The following NKAIN3 variants were observed in gnomAD, a reference collection of about 807,000 sequenced individuals.
NKAIN3 encodes the protein sodium/potassium-transporting ATPase subunit beta-1-interacting protein 3.
A neutral mutation model predicts 30.2 loss-of-function variants in NKAIN3; 25 were observed. The ratio of observed to expected loss-of-function variants is 0.83; its 90% CI spans 0.60 to 1.16. NKAIN3 has a LOEUF of 1.16. Ranked by LOEUF, NKAIN3 falls within the 50% of genes most tolerant of loss-of-function variation. NKAIN3 has a pLI of 0.00. For missense variants in NKAIN3, 225 were observed against 254.1 expected (o/e 0.89, Z 0.78); for synonymous variants, 91 against 89.6 (o/e 1.02, Z -0.09).
chr8:62,301,207 T>G (rs1814038151), intron 1 of NKAIN3, among the ~76,000 whole-genome samples: 1 of 135,076 alleles, frequency 7.4e-6, no homozygotes, highest in South Asian at 2.1e-4. Flanking sequence ...TTGAAGTAAA[T>G]AGTGTATTTT....
intron 3 of NKAIN3, among the ~76,000 whole-genome samples, chr8:62,717,833 A>G (rs1317493926): frequency 6.6e-6 from 1 of 152,212 alleles, no homozygotes; most frequent in Non-Finnish European, 1.5e-5. Flanking sequence ...TGAGAACATG[A>G]CTGCCTTTAG....
At chr8:62,914,528 C>A (rs1215871076) in intron 4 of NKAIN3, among the ~76,000 whole-genome samples, 1 of 152,046 alleles carries the variant, frequency 6.6e-6, no homozygotes, top group Non-Finnish European at 1.5e-5. Context: ...TAATTATGTT[C>A]TGCTTTTAGG....
At chr8:62,660,942 G>C (rs921697812) in intron 3 of NKAIN3, among the ~76,000 whole-genome samples, 24 of 152,174 alleles carry the variant, frequency 1.6e-4, no homozygotes, top group African/African-American at 5.8e-4. Flanking sequence ...TCCTGCTTTT[G>C]TAGCCTTTCC....
chr8:62,605,170 G>A (rs930134366), intron 3 of NKAIN3, among the ~76,000 whole-genome samples: 1 of 152,122 alleles, frequency 6.6e-6, no homozygotes, highest in Non-Finnish European at 1.5e-5. Context: ...TGGGTCAGAA[G>A]TCTCATGTAG....
In NKAIN3 at chr8:62,615,604, A is replaced by G. The variant is rs1307353993; in HGVS notation, c.273+25810A>G. On this transcript the variant is annotated intron_variant, in intron 3 of 6. Coordinates refer to ENST00000623646, the MANE Select transcript of NKAIN3 (RefSeq NM_001304533.3). ...ATTTCAAGTTTACTTGTAGACACAGAGTGTAGTAGCCCTTAGCAGGGAGGT... is the reference window on the plus strand; with the variant it reads ...ATTTCAAGTTTACTTGTAGACACAGGGTGTAGTAGCCCTTAGCAGGGAGGT... Among the ~76,000 whole-genome samples, 4 of 152,094 alleles carry G rather than the reference A, an allele frequency of 2.6e-5. No homozygotes were observed. The East Asian group carries it at 7.8e-4, about 29-fold the overall frequency.
At chr8:62,737,674 A>G (rs146920988) in intron 3 of NKAIN3, among the ~76,000 whole-genome samples, 177 of 152,274 alleles carry the variant, frequency 1.2e-3, no homozygotes, top group Non-Finnish European at 1.9e-3. Context: ...TCTGAGTGCA[A>G]TGGTTTTGGC....
intron 3 of NKAIN3, among the ~76,000 whole-genome samples, chr8:62,690,256 G>A (rs543052532): frequency 5.3e-5 from 8 of 152,080 alleles, no homozygotes; most frequent in African/African-American, 1.7e-4. Flanking sequence ...TCTCCCAACC[G>A]GGCCATGCAC....
chr8:62,474,494 T>C (rs575013679), intron 1 of NKAIN3, among the ~76,000 whole-genome samples: 3 of 152,218 alleles, frequency 2.0e-5, no homozygotes, highest in African/African-American at 4.8e-5. Context: ...GGGAGCTGGA[T>C]TGGCAAACGT....
rs530560224 is a variant in NKAIN3 at position 62,973,562 on chromosome 8, T to C, written c.*8155T>C. 6.6e-6 allele frequency among the ~76,000 whole-genome samples: 1 copy of C among 152,332 alleles called. No individual in the cohort carries two copies. Among genetic ancestry groups the C allele is most frequent in the East Asian group, 1.9e-4 (1 of 5,186 alleles). ...TAAGTTCCTTGTAGATTCTGGATAT[T>C]AGCCCTTTGTCAGATGGATAGGTTG... On this transcript the variant is annotated 3_prime_UTR_variant, in exon 7 of 7. Coordinates refer to ENST00000623646, the MANE Select transcript of NKAIN3 (RefSeq NM_001304533.3).
intron 4 of NKAIN3, among the ~76,000 whole-genome samples, chr8:62,818,544 G>T (rs954083819): frequency 6.6e-6 from 1 of 150,586 alleles, no homozygotes; most frequent in African/African-American, 2.5e-5. Context: ...TCTACCTTGT[G>T]TCTTGTTTGT....
chr8:62,464,977 G>A (rs1289329850), intron 1 of NKAIN3, among the ~76,000 whole-genome samples: 2 of 152,108 alleles, frequency 1.3e-5, no homozygotes, highest in African/African-American at 4.8e-5. Context: ...TGTAGAAGGA[G>A]TTTTCTTATG....
intron 1 of NKAIN3, among the ~76,000 whole-genome samples, chr8:62,355,289 A>G (rs1053670131): frequency 6.6e-6 from 1 of 152,148 alleles, no homozygotes; most frequent in African/African-American, 2.4e-5. Flanking sequence ...TGTTTTTTCC[A>G]TTGGAGAGGC....
At chr8:62,865,493 G>A (rs1240449140) in intron 4 of NKAIN3, among the ~76,000 whole-genome samples, 1 of 152,062 alleles carries the variant, frequency 6.6e-6, no homozygotes, top group Non-Finnish European at 1.5e-5. Flanking sequence ...GGGAAGAGCA[G>A]TCTTTTGACT....
intron 1 of NKAIN3, among the ~76,000 whole-genome samples, chr8:62,418,454 A>G (rs150685859): frequency 1.1e-3 from 173 of 152,258 alleles, no homozygotes; most frequent in African/African-American, 4.1e-3. Flanking sequence ...GCACCCCCTG[A>G]AAAGTTAATG....
chr8:62,251,428 A>G (rs1223837537), intron 1 of NKAIN3, among the ~76,000 whole-genome samples: 1 of 152,152 alleles, frequency 6.6e-6, no homozygotes, highest in Non-Finnish European at 1.5e-5. Context: ...CAATTTTGGC[A>G]GAATCTTTTT....
intron 1 of NKAIN3, among the ~76,000 whole-genome samples, chr8:62,273,991 G>C (rs1812852074): frequency 6.6e-6 from 1 of 152,100 alleles, no homozygotes; most frequent in Non-Finnish European, 1.5e-5. Context: ...GTAACAGAAA[G>C]ATGACCTAGG....
intron 4 of NKAIN3, among the ~76,000 whole-genome samples, chr8:62,815,104 A>T (rs1398842421): frequency 6.6e-6 from 1 of 152,190 alleles, no homozygotes; most frequent in African/African-American, 2.4e-5. Context: ...CTACACAAAT[A>T]AACTAGAAAA....
intron 1 of NKAIN3, among the ~76,000 whole-genome samples, chr8:62,468,881 A>T (rs1293160084): frequency 6.6e-6 from 1 of 152,112 alleles, no homozygotes; most frequent in Non-Finnish European, 1.5e-5. Context: ...TCAAAATTGG[A>T]TCAACTAATT....
chr8:62,720,349 G>T (rs1168860114), intron 3 of NKAIN3, among the ~76,000 whole-genome samples: 1 of 152,156 alleles, frequency 6.6e-6, no homozygotes, highest in East Asian at 1.9e-4. Context: ...AATATGCATT[G>T]TGTGTGGTAC....
Sources: gnomAD v4.1 joint callset for allele counts (sites outside exome capture counted in the v4.1 genomes callset) on GRCh38, gnomAD v4.1.1 for gene constraint, MANE v1.5 for transcripts, NCBI Gene and HGNC (gene_info 2026-07-23, HGNC 2026-07-21) for gene names.